Variants in MTHFD1L observed in about 807,000 individuals in gnomAD.
MTHFD1L encodes the protein monofunctional C1-tetrahydrofolate synthase, mitochondrial.
A neutral mutation model predicts 119.5 loss-of-function variants in MTHFD1L; 81 were observed. The ratio of observed to expected loss-of-function variants is 0.68; its 90% CI spans 0.57 to 0.82. The LOEUF (loss-of-function observed/expected upper bound fraction) is 0.82, where lower values mean the gene tolerates loss of function less well. Among genes scored for constraint, MTHFD1L ranks in the 40% least tolerant of loss-of-function variants. MTHFD1L has a pLI of 0.00. For synonymous variants in MTHFD1L, 430 were observed against 475.2 expected (o/e 0.90, Z 1.24); for missense variants, 1,125 against 1,253.4 (o/e 0.90, Z 1.55).
chr6:150,990,171 T>C (rs9478889), intron 20 of MTHFD1L, among the ~76,000 whole-genome samples: 1 of 151,724 alleles, frequency 6.6e-6, no homozygotes, highest in Non-Finnish European at 1.5e-5. Flanking sequence ...CCCAGCTACT[T>C]GGGAGGCTGA....
chr6:150,890,133 G>T (rs1782978812), intron 7 of MTHFD1L, among the ~76,000 whole-genome samples: 1 of 152,026 alleles, frequency 6.6e-6, no homozygotes, highest in African/African-American at 2.4e-5. Flanking sequence ...TCCAGCCTGG[G>T]CAACAAGAAC....
rs368593673 is a variant in MTHFD1L, at chr6:150,923,509, C to CTTTA, written c.1082+1235_1082+1238dup. Among the ~76,000 whole-genome samples the CTTTA allele has an allele frequency of 3.9e-3, 461 of 118,050 alleles. 7 individuals are homozygous for CTTTA. The highest frequency in any genetic ancestry group is 0.011 in the African/African-American group (319 of 29,468). 77.4% of individuals were successfully genotyped at this position (118,050 alleles called of 152,430 possible). ...GATAAAATCCCTCTAGTAACTGACA[C>CTTTA]TTTATTTATTTATTTATTTATTTAT... On this transcript the variant is annotated intron_variant, in intron 10 of 27. Transcript: ENST00000367321.
intron 20 of MTHFD1L, among the ~76,000 whole-genome samples, chr6:150,984,102 A>G (rs1478252987): frequency 1.3e-5 from 2 of 152,200 alleles, no homozygotes; most frequent in African/African-American, 2.4e-5. Flanking sequence ...CAAATTCTAC[A>G]TTGTCTATTG....
intron 26 of MTHFD1L, among the ~76,000 whole-genome samples, chr6:151,089,460 G>A (rs1016258746): frequency 4.6e-5 from 7 of 152,198 alleles, no homozygotes; most frequent in Non-Finnish European, 7.4e-5. Flanking sequence ...AAAATTAGCC[G>A]GGCATGGTGG....
At chr6:150,962,838 C>T (rs1267805803) in intron 18 of MTHFD1L, among the ~76,000 whole-genome samples, 9 of 152,038 alleles carry the variant, frequency 5.9e-5, no homozygotes, top group African/African-American at 1.7e-4. Flanking sequence ...TCTTCTTCCA[C>T]CTGCTCTGCA....
intron 7 of MTHFD1L, among the ~76,000 whole-genome samples, chr6:150,890,478 A>T (rs1783062717): frequency 1.3e-5 from 2 of 152,082 alleles, no homozygotes; most frequent in Non-Finnish European, 2.9e-5. Flanking sequence ...TGACTATTGA[A>T]TATTGAGAGG....
In MTHFD1L at chr6:151,013,966, A is replaced by G. The variant is rs146614627; in HGVS notation, c.2307+146A>G. 1.9e-5 allele frequency: 13 copies of G among 695,518 alleles called. No homozygotes were observed. In the East Asian group the frequency reaches 3.1e-4, roughly 16 times the overall value. 43.1% of individuals were successfully genotyped at this position (695,518 alleles called of 1,614,324 possible). A position where few individuals can be genotyped will look rare whatever the true frequency, so the allele number is the denominator to read the frequency against. Reference sequence around the variant, plus strand: ...AGTGACTCACACCTGTAATTTCAGCACTTTGGGAGGCCAAGGCGACCGGAT... The same window carrying G: ...AGTGACTCACACCTGTAATTTCAGCGCTTTGGGAGGCCAAGGCGACCGGAT... On this transcript the variant is annotated intron_variant, in intron 22 of 27. Coordinates refer to ENST00000367321, the MANE Select transcript of MTHFD1L (RefSeq NM_015440.5).
At chr6:150,893,773 T>G (rs935750456) in intron 7 of MTHFD1L, among the ~76,000 whole-genome samples, 1 of 152,152 alleles carries the variant, frequency 6.6e-6, no homozygotes, top group Admixed American at 6.6e-5. Flanking sequence ...AAACTGCCTT[T>G]GAAGGTTTCC....
intron 9 of MTHFD1L, among the ~76,000 whole-genome samples, chr6:150,919,159 A>G (rs1788480528): frequency 6.6e-6 from 1 of 151,556 alleles, no homozygotes; most frequent in South Asian, 2.1e-4. Flanking sequence ...GGAGACTGAA[A>G]AAAAAAAAAA....
At position 151,001,346 on chromosome 6, in the gene MTHFD1L, T is replaced by C. The variant is rs1197333445; in HGVS notation, c.2126-8473T>C. 3.9e-5 allele frequency among the ~76,000 whole-genome samples: 6 copies of C among 152,346 alleles called. No individual in the cohort carries two copies. In the East Asian group the frequency reaches 7.7e-4, roughly 20 times the overall value. ...TGCAATTCTGGTGGCAACATCCAGG[T>C]ATTTCAAGTAGAAATTAAGAAAACT... On this transcript the variant is annotated intron_variant, in intron 20 of 27. Coordinates refer to ENST00000367321, the MANE Select transcript of MTHFD1L (RefSeq NM_015440.5).
intron 7 of MTHFD1L, among the ~76,000 whole-genome samples, chr6:150,891,439 A>G (rs1184733814): frequency 6.7e-6 from 1 of 148,582 alleles, no homozygotes; most frequent in Non-Finnish European, 1.5e-5. Context: ...TGTATTACAT[A>G]TAATCCTTAT....
chr6:151,051,945 G>C (rs1789118167), intron 26 of MTHFD1L, among the ~76,000 whole-genome samples: 1 of 152,224 alleles, frequency 6.6e-6, no homozygotes, highest in Non-Finnish European at 1.5e-5. Context: ...GTGAGCCTGG[G>C]GGCTCATTGA....
intron 7 of MTHFD1L, among the ~76,000 whole-genome samples, chr6:150,895,567 T>C (rs1388037701): frequency 1.3e-5 from 2 of 151,766 alleles, no homozygotes; most frequent in Non-Finnish European, 2.9e-5. Context: ...GGAAAAAATA[T>C]AGGTCTTTCA....
chr6:150,969,516 A>AC (rs1337956152), intron 19 of MTHFD1L, among the ~76,000 whole-genome samples: 1 of 151,280 alleles, frequency 6.6e-6, no homozygotes, highest in Non-Finnish European at 1.5e-5. Flanking sequence ...CTGCCTCAAA[A>AC]AAAAAAAAAA....
chr6:150,876,197 T>C (rs1780412921), intron 2 of MTHFD1L, 23 bp downstream of exon 2: 2 of 1,516,810 alleles, frequency 1.3e-6, no homozygotes, highest in Non-Finnish European at 1.8e-6. Flanking sequence ...CAAGGTTCAG[T>C]CCTACTATTT....
intron 27 of MTHFD1L, among the ~76,000 whole-genome samples, chr6:151,095,568 AC>A (rs1794833688): frequency 6.6e-6 from 1 of 152,210 alleles, no homozygotes; most frequent in Admixed American, 6.5e-5. Context: ...ATTAATGCAT[AC>A]CCTTAAATCC....
At chr6:150,976,670 A>T (rs145961503) in intron 20 of MTHFD1L, among the ~76,000 whole-genome samples, 1 of 152,378 alleles carries the variant, frequency 6.6e-6, no homozygotes, top group African/African-American at 2.4e-5. Flanking sequence ...GGCCTGCATT[A>T]AGAAGTAAAC....
chr6:150,877,988 G>A (rs1780739727), intron 4 of MTHFD1L, among the ~76,000 whole-genome samples, 162 bp downstream of exon 4: 1 of 152,220 alleles, frequency 6.6e-6, no homozygotes, highest in African/African-American at 2.4e-5. Flanking sequence ...AATGCTTCAT[G>A]ATATCCTTGT....
At chr6:151,062,468 T>A (rs1273403781) in intron 26 of MTHFD1L, among the ~76,000 whole-genome samples, 1 of 152,128 alleles carries the variant, frequency 6.6e-6, no homozygotes. Flanking sequence ...TTTGCTCTTG[T>A]GTCTGTTTAA....
Sources: allele counts gnomAD v4.1 joint callset (sites outside exome capture counted in the v4.1 genomes callset), GRCh38; gene constraint gnomAD v4.1.1; transcripts MANE v1.5; gene names NCBI Gene and HGNC (gene_info 2026-07-23, HGNC 2026-07-21).